Variants in NPAS3 observed in about 807,000 individuals in gnomAD.
NPAS3 encodes neuronal PAS domain-containing protein 3.
Under a neutral mutation model 73.1 loss-of-function variants are expected in NPAS3, and 14 were observed. The ratio of observed to expected loss-of-function variants is 0.19; its 90% CI spans 0.13 to 0.30. NPAS3 has a LOEUF of 0.30. NPAS3 is among the 10% of genes least tolerant of loss of function. The probability of loss-of-function intolerance (pLI) is 1.00; values close to 1 mark genes in which losing one functional copy is unlikely to be tolerated. For synonymous variants in NPAS3, 620 were observed against 541.5 expected, an observed-to-expected ratio of 1.14 and a Z score of -2.01; for missense variants, 1,096 against 1,250.0, an observed-to-expected ratio of 0.88 and a Z score of 1.86.
chr14:33,469,789 G>A (rs2050701107), intron 4 of NPAS3, among the ~76,000 whole-genome samples: 3 of 152,152 alleles, frequency 2.0e-5, no homozygotes, highest in Admixed American at 2.0e-4. Context: ...AAATGCACGT[G>A]TGAAAGTAGG....
At chr14:33,184,398 A>T (rs965176448) in intron 2 of NPAS3, among the ~76,000 whole-genome samples, 5 of 152,122 alleles carry the variant, frequency 3.3e-5, no homozygotes, top group Non-Finnish European at 5.9e-5. Flanking sequence ...GTAATGGAGA[A>T]GGGAGCAGGA....
chr14:33,132,846 T>A (rs990952164), intron 2 of NPAS3, among the ~76,000 whole-genome samples: 2 of 152,200 alleles, frequency 1.3e-5, no homozygotes, highest in African/African-American at 4.8e-5. Flanking sequence ...ATACCTGTTA[T>A]GCTGCATACA....
intron 1 of NPAS3, among the ~76,000 whole-genome samples, chr14:32,985,910 C>T (rs1324065136): frequency 2.0e-5 from 3 of 152,120 alleles, no homozygotes; most frequent in Non-Finnish European, 2.9e-5. Flanking sequence ...TTGAGTGAGT[C>T]GTTAGTCATA....
At chr14:33,056,121 CAAAA>C (rs1289174892) in intron 2 of NPAS3, 127 bp downstream of exon 2, 5 of 483,710 alleles carry the variant, frequency 1.0e-5, no homozygotes, top group Non-Finnish European at 1.8e-5. Flanking sequence ...GAAAAAAAAA[CAAAA>C]AAACAAACCA....
At chr14:33,501,305 G>A (rs7145057) in intron 4 of NPAS3, among the ~76,000 whole-genome samples, 26,532 of 151,820 alleles carry the variant, frequency 0.17, 2,465 homozygotes, top group African/African-American at 0.2. Flanking sequence ...GTGGTAGCCT[G>A]CACAGCTCAG....
At chr14:33,476,655 T>C (rs1713476429) in intron 4 of NPAS3, among the ~76,000 whole-genome samples, 1 of 152,198 alleles carries the variant, frequency 6.6e-6, no homozygotes, top group South Asian at 2.1e-4. Context: ...GTTGTTTCTG[T>C]TTCATCAATA....
intron 2 of NPAS3, among the ~76,000 whole-genome samples, chr14:33,114,284 C>T (rs1369780202): frequency 2.0e-5 from 3 of 152,182 alleles, no homozygotes; most frequent in East Asian, 1.9e-4. Flanking sequence ...ATCCACCCCC[C>T]TTTGGCCTCC....
intron 3 of NPAS3, among the ~76,000 whole-genome samples, chr14:33,350,278 G>A (rs1017623606): frequency 6.6e-6 from 1 of 152,196 alleles, no homozygotes; most frequent in Admixed American, 6.5e-5. Flanking sequence ...ACCAGGCAGA[G>A]GGAAATCCAC....
intron 4 of NPAS3, among the ~76,000 whole-genome samples, chr14:33,442,506 C>T (rs117293777): frequency 0.014 from 2,141 of 152,250 alleles, 23 homozygotes; most frequent in East Asian, 0.045. Context: ...TCCCATAATC[C>T]GCATGTGTTG....
chr14:33,077,194 G>A (rs1177274293), intron 2 of NPAS3, among the ~76,000 whole-genome samples: 2 of 152,194 alleles, frequency 1.3e-5, no homozygotes, highest in Non-Finnish European at 2.9e-5. Context: ...AGGAAAGTGG[G>A]CTAGGAAGAC....
intron 2 of NPAS3, among the ~76,000 whole-genome samples, chr14:33,144,360 T>A (rs1490189638): frequency 6.6e-6 from 1 of 152,250 alleles, no homozygotes; most frequent in Non-Finnish European, 1.5e-5. Flanking sequence ...AAACCTATTG[T>A]TTTGAAATCA....
At chr14:33,073,733 C>T (rs1340362766) in intron 2 of NPAS3, among the ~76,000 whole-genome samples, 5 of 152,082 alleles carry the variant, frequency 3.3e-5, no homozygotes, top group African/African-American at 7.2e-5. Context: ...AATTTGATTT[C>T]GACATTTTAT....
At chr14:33,124,478 G>C (rs1334003124) in intron 2 of NPAS3, among the ~76,000 whole-genome samples, 4 of 152,056 alleles carry the variant, frequency 2.6e-5, no homozygotes, top group African/African-American at 9.7e-5. Flanking sequence ...GCTCTCTAAA[G>C]GGTTGTAAGG....
chr14:33,160,789 T>C (rs1229540223), intron 2 of NPAS3, among the ~76,000 whole-genome samples: 1 of 152,012 alleles, frequency 6.6e-6, no homozygotes, highest in Admixed American at 6.6e-5. Flanking sequence ...AAGTCAGCGC[T>C]CAGTTTTGAT....
At chr14:33,579,124 C>T (rs1440081865) in intron 5 of NPAS3, among the ~76,000 whole-genome samples, 1 of 152,184 alleles carries the variant, frequency 6.6e-6, no homozygotes, top group Non-Finnish European at 1.5e-5. Flanking sequence ...GCTATCATTC[C>T]AGTTTTATCC....
At chr14:33,575,279 C>T (rs1242227924) in intron 5 of NPAS3, among the ~76,000 whole-genome samples, 1 of 152,150 alleles carries the variant, frequency 6.6e-6, no homozygotes, top group East Asian at 1.9e-4. Flanking sequence ...TGCAACAATC[C>T]AAGATTCATA....
At chr14:33,549,020 C>T (rs2054981094) in intron 4 of NPAS3, among the ~76,000 whole-genome samples, 1 of 152,144 alleles carries the variant, frequency 6.6e-6, no homozygotes, top group South Asian at 2.1e-4. Flanking sequence ...CATATGTGAA[C>T]ATGTTTATAT....
At chr14:33,345,599 G>T (rs1404147965) in intron 3 of NPAS3, among the ~76,000 whole-genome samples, 1 of 152,196 alleles carries the variant, frequency 6.6e-6, no homozygotes, top group Admixed American at 6.5e-5. Flanking sequence ...GAAGTAGATT[G>T]ATATTCTTGA....
At chr14:33,718,693 A>C (rs1242209858) in intron 6 of NPAS3, among the ~76,000 whole-genome samples, 3 of 152,208 alleles carry the variant, frequency 2.0e-5, no homozygotes, top group African/African-American at 4.8e-5. Flanking sequence ...GGTCAAATTT[A>C]ACTTACATTT....
Sources: gnomAD v4.1 joint callset for allele counts (sites outside exome capture counted in the v4.1 genomes callset) on GRCh38, gnomAD v4.1.1 for gene constraint, MANE v1.5 for transcripts, NCBI Gene and HGNC (gene_info 2026-07-23, HGNC 2026-07-21) for gene names.